CCDC172: variants seen among roughly 807,000 people sequenced by gnomAD.
The protein encoded by CCDC172 is coiled-coil domain containing 172.
In CCDC172, 30 loss-of-function variants were observed where a neutral mutation model predicts 38.0. That is an observed-to-expected ratio of 0.79 (90% CI 0.59 to 1.07). The LOEUF (loss-of-function observed/expected upper bound fraction) is 1.07. Among genes scored for constraint, CCDC172 ranks in the 50% least tolerant of loss-of-function variants. The pLI, the probability that CCDC172 is intolerant of heterozygous loss-of-function variation, is 0.00. For missense variants in CCDC172, 297 were observed against 290.1 expected (o/e 1.02, Z -0.17); for synonymous variants, 78 against 88.3 (o/e 0.88, Z 0.66).
chr10:116,368,124 G>T (rs1317001764), intron 7 of CCDC172, among the ~76,000 whole-genome samples: 2 of 151,916 alleles, frequency 1.3e-5, no homozygotes, highest in African/African-American at 4.8e-5. Flanking sequence ...TTTCATTTTT[G>T]GTAATGTTAA....
At chr10:116,366,974 T>C (rs1490682117) in intron 7 of CCDC172, among the ~76,000 whole-genome samples, 1 of 152,216 alleles carries the variant, frequency 6.6e-6, no homozygotes, top group African/African-American at 2.4e-5. Flanking sequence ...GTAACTCTTA[T>C]TTTTCTACTA....
chr10:116,345,595 G>T (rs2134929741), intron 5 of CCDC172, among the ~76,000 whole-genome samples: 1 of 152,162 alleles, frequency 6.6e-6, no homozygotes, highest in East Asian at 1.9e-4. Context: ...AGAACATAAT[G>T]AACTCTAACA....
At chr10:116,346,520 A>G (rs1438072343) in intron 5 of CCDC172, among the ~76,000 whole-genome samples, 1 of 152,084 alleles carries the variant, frequency 6.6e-6, no homozygotes, top group Admixed American at 6.6e-5. Context: ...AGGGTCACAA[A>G]TAATCTTTTG....
At chr10:116,343,634 C>T (rs1043075553) in intron 5 of CCDC172, among the ~76,000 whole-genome samples, 41 of 151,720 alleles carry the variant, frequency 2.7e-4, no homozygotes, top group African/African-American at 9.2e-4. Flanking sequence ...TGCCTCTGTC[C>T]ATTTCAGTCC....
At chr10:116,366,125 T>C (rs1454288005) in intron 7 of CCDC172, among the ~76,000 whole-genome samples, 1 of 152,144 alleles carries the variant, frequency 6.6e-6, no homozygotes, top group Non-Finnish European at 1.5e-5. Flanking sequence ...ATAATATATG[T>C]AAACTATATG....
intron 7 of CCDC172, among the ~76,000 whole-genome samples, chr10:116,378,143 T>G (rs2134976209): frequency 6.6e-6 from 1 of 152,276 alleles, no homozygotes; most frequent in Non-Finnish European, 1.5e-5. Flanking sequence ...ATCACACCAC[T>G]GTACTCCAGC....
At chr10:116,370,734 T>C in intron 7 of CCDC172, among the ~76,000 whole-genome samples, 1 of 151,766 alleles carries the variant, frequency 6.6e-6, no homozygotes, top group South Asian at 2.1e-4. Context: ...ATATAAACTT[T>C]AGGATCAATT....
At chr10:116,378,624 C>A in intron 8 of CCDC172, 114 bp downstream of exon 8, 1 of 754,868 alleles carries the variant, frequency 1.3e-6, no homozygotes, top group East Asian at 3.0e-5. Context: ...CTGCAAAAAA[C>A]AGAAAAGCAA....
At chr10:116,379,173 A>G (rs1184572365) in intron 8 of CCDC172, 150 bp from the exon 9 acceptor site, 3 of 477,054 alleles carry the variant, frequency 6.3e-6, no homozygotes, top group Non-Finnish European at 1.1e-5. Flanking sequence ...AAATGTTTCA[A>G]TAAGTTACCT....
intron 5 of CCDC172, among the ~76,000 whole-genome samples, chr10:116,352,931 T>C (rs913055027): frequency 7.9e-5 from 12 of 152,132 alleles, no homozygotes; most frequent in African/African-American, 1.2e-4. Context: ...CAGTGGCTCA[T>C]GCCTGTAATC....
In CCDC172 at chr10:116,370,631, G is replaced by GTAGGGC. The variant is rs199688772; in HGVS notation, c.654-7788_654-7783dup. On this transcript the variant is annotated intron_variant, in intron 7 of 8. Transcript: ENST00000333254. ...GATAAATAGTAGGATTTAGTGGTTG[G>GTAGGGC]TAGGGCTAGTCACTCCTTTTTTTTT... Among the ~76,000 whole-genome samples the GTAGGGC allele has an allele frequency of 5.9e-3, 883 of 150,548 alleles. 10 individuals carry two copies. Among genetic ancestry groups the GTAGGGC allele is most frequent in the African/African-American group, 0.018 (744 of 41,196 alleles).
At chr10:116,324,906 A>G (rs768226327) in intron 1 of CCDC172, 41 bp from the exon 2 acceptor site, 16 of 903,880 alleles carry the variant, frequency 1.8e-5, no homozygotes, top group African/African-American at 4.9e-5. Context: ...CTATCTGGGA[A>G]TGGTTCTAGA....
At chr10:116,341,972 ATAAT>A (rs1303835709) in intron 4 of CCDC172, 60 bp from the exon 5 acceptor site, 6 of 1,086,712 alleles carry the variant, frequency 5.5e-6, no homozygotes, top group South Asian at 5.1e-5. Context: ...TATATTTTAA[ATAAT>A]TAAGGAAAAA....
intron 7 of CCDC172, among the ~76,000 whole-genome samples, chr10:116,366,371 A>G (rs935400019): frequency 6.6e-6 from 1 of 152,060 alleles, no homozygotes; most frequent in Non-Finnish European, 1.5e-5. Context: ...TTGTGTATAT[A>G]TAATTTTCTT....
intron 7 of CCDC172, among the ~76,000 whole-genome samples, chr10:116,361,218 C>G (rs1022853032): frequency 1.3e-5 from 2 of 151,964 alleles, no homozygotes; most frequent in Admixed American, 6.6e-5. Flanking sequence ...CTCCTGACCC[C>G]AAGTGATACA....
chr10:116,368,423 CACCCTTTTTA>C (rs1845148924), intron 7 of CCDC172, among the ~76,000 whole-genome samples: 1 of 151,898 alleles, frequency 6.6e-6, no homozygotes, highest in African/African-American at 2.4e-5. Context: ...CTCCTTCCCC[CACCCTTTTTA>C]TTTCTCCTTT....
chr10:116,345,958 A>G (rs1294020653), intron 5 of CCDC172, among the ~76,000 whole-genome samples: 1 of 152,174 alleles, frequency 6.6e-6, no homozygotes, highest in African/African-American at 2.4e-5. Flanking sequence ...GATACTCCAG[A>G]GAGATGAAAC....
At chr10:116,362,203 T>A (rs998543606) in intron 7 of CCDC172, among the ~76,000 whole-genome samples, 1 of 152,252 alleles carries the variant, frequency 6.6e-6, no homozygotes, top group South Asian at 2.1e-4. Context: ...GTTTGATGTG[T>A]ATACTGTCAG....
At chr10:116,375,099 G>A (rs938380229) in intron 7 of CCDC172, among the ~76,000 whole-genome samples, 1 of 151,956 alleles carries the variant, frequency 6.6e-6, no homozygotes, top group Non-Finnish European at 1.5e-5. Flanking sequence ...TTAGCCATTG[G>A]ACATTTTATT....
Sources: gnomAD v4.1 joint callset for allele counts (sites outside exome capture counted in the v4.1 genomes callset) on GRCh38, gnomAD v4.1.1 for gene constraint, MANE v1.5 for transcripts, NCBI Gene and HGNC (gene_info 2026-07-23, HGNC 2026-07-21) for gene names.